PCDHA1: variants seen among roughly 807,000 people sequenced by gnomAD.
PCDHA1 encodes the protein protocadherin alpha 1.
A neutral mutation model predicts 61.3 loss-of-function variants in PCDHA1; 42 were observed. The ratio of observed to expected loss-of-function variants is 0.69; its 90% CI spans 0.54 to 0.89. PCDHA1 has a LOEUF of 0.89. PCDHA1 is among the 40% of genes least tolerant of loss of function. The pLI is 0.00. For synonymous variants in PCDHA1, 610 were observed against 553.8 expected, an observed-to-expected ratio of 1.10 and a Z score of -1.43; for missense variants, 1,256 against 1,235.3, an observed-to-expected ratio of 1.02 and a Z score of -0.25.
Position 140,978,781 on chromosome 5 carries a change from A to C in PCDHA1, c.2395-168A>C, listed in dbSNP as rs4461687. ...GACCCTGATGAACTAATTTTCTTCT[A>C]AAGTGCTATATATGTAGATATCATC... On this transcript the variant is annotated intron_variant, in intron 1 of 3. Coordinates refer to ENST00000504120, the MANE Select transcript of PCDHA1 (RefSeq NM_018900.4). 2,731 of 969,880 alleles carry C rather than the reference A, an allele frequency of 2.8e-3. 24 individuals carry two copies. The East Asian group carries it at 0.042, about 15-fold the overall frequency. The allele number at this position is 969,880 out of a possible 1,614,324, so 60.1% of individuals were successfully genotyped here.
chr5:140,819,738 C>A (rs1766611362), intron 1 of PCDHA1, among the ~76,000 whole-genome samples: 1 of 151,950 alleles, frequency 6.6e-6, no homozygotes, highest in Non-Finnish European at 1.5e-5. Context: ...GAAAGTGAAT[C>A]AAAAGTCAAG....
intron 1 of PCDHA1, among the ~76,000 whole-genome samples, chr5:140,908,777 TCTC>T (rs2074149319): frequency 6.6e-6 from 1 of 152,144 alleles, no homozygotes; most frequent in African/African-American, 2.4e-5. Flanking sequence ...TGTAGAGTCT[TCTC>T]CTGTTCTGTA....
intron 1 of PCDHA1, among the ~76,000 whole-genome samples, chr5:140,918,378 T>C (rs2078665832): frequency 6.6e-6 from 1 of 152,192 alleles, no homozygotes; most frequent in South Asian, 2.1e-4. Flanking sequence ...GGATGCCTTT[T>C]ATTTCTTTCT....
intron 3 of PCDHA1, among the ~76,000 whole-genome samples, chr5:140,994,698 C>G (rs1238723224): frequency 6.6e-6 from 1 of 151,898 alleles, no homozygotes; most frequent in Non-Finnish European, 1.5e-5. Context: ...GAATGAGACC[C>G]TGTCTCAAAA....
chr5:140,824,579 G>T, intron 1 of PCDHA1: 1 of 152,702 alleles, frequency 6.5e-6, no homozygotes. Flanking sequence ...AGCCGCCCAA[G>T]TAGCTGGACT....
chr5:140,917,378 A>G (rs532934226), intron 1 of PCDHA1, among the ~76,000 whole-genome samples: 4 of 150,894 alleles, frequency 2.7e-5, no homozygotes, highest in South Asian at 2.1e-4. Context: ...CTCCACCTCA[A>G]TAGTCTGATG....
chr5:140,838,264 C>T (rs1278285410), intron 1 of PCDHA1, among the ~76,000 whole-genome samples: 3 of 144,252 alleles, frequency 2.1e-5, no homozygotes, highest in Admixed American at 7.1e-5. Flanking sequence ...AAGACGCCAA[C>T]AACCAAGCCA....
rs781792274 is a variant in PCDHA1, at chr5:140,927,895, G to A, written c.2395-51054G>A. The A allele has an allele frequency of 4.3e-5, 70 of 1,614,074 alleles. No homozygotes were observed. The highest frequency in any genetic ancestry group is 5.3e-5 in the Non-Finnish European group (62 of 1,180,048). On this transcript the variant is annotated intron_variant, in intron 1 of 3. Coordinates refer to ENST00000504120, the MANE Select transcript of PCDHA1 (RefSeq NM_018900.4). ...GCTGGTGGAGGTGACTGACGTGAACGATCATGCCCCCGAACTGGACTTCCT... is the reference window on the plus strand; with the variant it reads ...GCTGGTGGAGGTGACTGACGTGAACAATCATGCCCCCGAACTGGACTTCCT...
chr5:140,927,008 TCTCCGCGGACTTGAGGCTGCCAG>T (rs782232084), intron 1 of PCDHA1: 1 of 1,612,514 alleles, frequency 6.2e-7, no homozygotes, highest in South Asian at 1.1e-5. Flanking sequence ...GTAGGCAATC[TCTCCGCGGACTTGAGGCTGCCAG>T]CGGCCGCTAT....
chr5:140,882,877 G>A, intron 1 of PCDHA1: 1 of 1,614,208 alleles, frequency 6.2e-7, no homozygotes, highest in Non-Finnish European at 8.5e-7. Context: ...TGGACAGAGA[G>A]GAAATTCAGG....
At position 140,849,929 on chromosome 5, in the gene PCDHA1, T is replaced by G. The variant is rs1450636702; in HGVS notation, c.2394+61245T>G. 8.1e-6 allele frequency: 13 copies of G among 1,598,096 alleles called. 1 individual carries two copies. The African/African-American group carries it at 1.2e-4, about 15-fold the overall frequency. On this transcript the variant is annotated intron_variant, in intron 1 of 3. Transcript: ENST00000504120. ...CGGGCTGCCACATCTTCACGGTGTC[T>G]GCGCGGGACGCTGACGCGCAGGAGA...
intron 1 of PCDHA1, chr5:140,830,815 C>T (rs1341950748): frequency 6.4e-6 from 1 of 156,708 alleles, no homozygotes. Context: ...CATTTGTTTG[C>T]CTTTGAGCTT....
chr5:141,004,148 C>T (rs971282591), intron 3 of PCDHA1, among the ~76,000 whole-genome samples: 1 of 152,222 alleles, frequency 6.6e-6, no homozygotes, highest in African/African-American at 2.4e-5. Context: ...AAAGGCATGA[C>T]ATTTTATAGG....
chr5:140,815,901 T>C (rs1487554416), intron 1 of PCDHA1: 1 of 152,170 alleles, frequency 6.6e-6, no homozygotes, highest in Non-Finnish European at 1.5e-5. Context: ...CAGTATAACA[T>C]CTCACCCCTT....
Position 141,009,658 on chromosome 5 carries a change from C to T in PCDHA1, c.2574C>T (p.Val858=), listed in dbSNP as rs571898721. The T allele has an allele frequency of 6.2e-6, 10 of 1,613,948 alleles. No individual in the cohort carries two copies. Among genetic ancestry groups the T allele is most frequent in the South Asian group, 4.4e-5 (4 of 91,030 alleles). The change falls in exon 4 of 4, where the codon GTC becomes GTT. Residue 858 remains valine, a synonymous_variant. Transcript: ENST00000504120. ...EPEAGEVSPP[V]GAGVNSNSWT... ...AGGCAGGAGAAGTGTCCCCTCCAGT[C>T]GGTGCGGGTGTCAACAGCAACAGCT...
intron 1 of PCDHA1, chr5:140,836,172 G>A (rs782290158): frequency 6.2e-7 from 1 of 1,613,766 alleles, no homozygotes; most frequent in Non-Finnish European, 8.5e-7. Flanking sequence ...GGTACGTGCA[G>A]TTGACGCTGA....
At chr5:140,843,042 G>C in intron 1 of PCDHA1, 1 of 1,595,168 alleles carries the variant, frequency 6.3e-7, no homozygotes, top group Non-Finnish European at 8.6e-7. Context: ...GGTGGCACTG[G>C]TGGCGCAGCG....
Position 140,850,923 on chromosome 5 carries a change from A to T in PCDHA1, c.2394+62239A>T, listed in dbSNP as rs2150502523. The stretch of plus-strand genomic sequence containing the variant: ...TTCTAGCATTTTATTTATTTATATA[A>T]TTTTTTTTCTTGAAAGATATTATCG... On this transcript the variant is annotated intron_variant, in intron 1 of 3. Transcript: ENST00000504120. 9.9e-6 allele frequency: 15 copies of T among 1,521,828 alleles called. 1 individual carries two copies. In the African/African-American group the frequency reaches 1.4e-4, roughly 14 times the overall value. The allele number at this position is 1,521,828 out of a possible 1,614,324, so 94.3% of individuals were successfully genotyped here.
At chr5:140,871,532 T>G in intron 1 of PCDHA1, 1 of 1,515,318 alleles carries the variant, frequency 6.6e-7, no homozygotes, top group Non-Finnish European at 8.8e-7. Flanking sequence ...AGGAAGTGTA[T>G]GTGAAATTAT....
Sources: gnomAD v4.1 joint callset for allele counts (sites outside exome capture counted in the v4.1 genomes callset) on GRCh38, gnomAD v4.1.1 for gene constraint, MANE v1.5 for transcripts, NCBI Gene and HGNC (gene_info 2026-07-23, HGNC 2026-07-21) for gene names.